FAM167A: variants seen among roughly 807,000 people sequenced by gnomAD.
FAM167A encodes protein FAM167A.
A neutral mutation model predicts 14.9 loss-of-function variants in FAM167A; 23 were observed. The ratio of observed to expected loss-of-function variants is 1.55; its 90% confidence interval spans 1.11 to 2.19. The LOEUF is 2.19. Ranked by LOEUF, FAM167A falls within the 30% of genes most tolerant of loss-of-function variation. The pLI, the probability that FAM167A is intolerant of heterozygous loss-of-function variation, is 0.00. For synonymous variants in FAM167A, 174 were observed against 117.7 expected (o/e 1.48, Z -3.10); for missense variants, 401 against 281.5 (o/e 1.42, Z -3.04).
chr8:11,470,788 C>T (rs73663149), upstream of FAM167A, among the ~76,000 whole-genome samples: 900 of 152,224 alleles, frequency 5.9e-3, 8 homozygotes, highest in African/African-American at 0.02. Context: ...CAGAGTCCAC[C>T]GGTCTCTGCT....
intron 1 of FAM167A, among the ~76,000 whole-genome samples, chr8:11,450,767 G>A (rs1290264386): frequency 6.6e-6 from 1 of 152,222 alleles, no homozygotes; most frequent in Non-Finnish European, 1.5e-5. Flanking sequence ...GAGCCAGCCT[G>A]GATGGGCTCA....
In FAM167A at chr8:11,445,435, A is replaced by T. The variant is rs1331568110; in HGVS notation, c.-397-627T>A. On this transcript the variant is annotated intron_variant, in intron 1 of 2. Coordinates refer to ENST00000284486, the MANE Select transcript of FAM167A (RefSeq NM_053279.3). ...AACACCTTACCTCACCTCTTCAGAG[A>T]CAGAAGCAAATAAACCTGCAGCTGT... 3.0e-6 allele frequency: 3 copies of T among 985,692 alleles called. No homozygotes were observed. In the African/African-American group the frequency reaches 5.2e-5, roughly 17 times the overall value. The allele number at this position is 985,692 out of a possible 1,614,324, so 61.1% of individuals were successfully genotyped here.
In FAM167A at chr8:11,422,355, CGTGTGTGTGTGTGTGGGGGTGTGT is replaced by C. The variant is rs1171768328; in HGVS notation, c.*1994_*2017del. ...AGGATGTTTATGGCATGTTCTCTGT[CGTGTGTGTGTGTGTGGGGGTGTGT>C]GTGTGTGTGTGTGTGTGTGTGTGTG... is the stretch of plus-strand genomic sequence containing the variant. On this transcript the variant is annotated 3_prime_UTR_variant, in exon 3 of 3. Transcript: ENST00000284486. The C allele has an allele frequency of 1.6e-4, 22 of 134,058 alleles. No individual in the cohort carries two copies. Among genetic ancestry groups the C allele is most frequent in the African/African-American group, 6.0e-4 (20 of 33,202 alleles). 8.3% of individuals were successfully genotyped at this position (134,058 alleles called of 1,614,324 possible).
chr8:11,444,678 C>G lies in FAM167A; in HGVS notation c.-267G>C, dbSNP rs1806674964. ...TGCCATGCTCCACAGAAGGCAGGAA[C>G]AGACAGCGTCGCAGGAATCTCGGGG... On this transcript the variant is annotated 5_prime_UTR_variant, in exon 2 of 3. Transcript: ENST00000284486. The G allele has an allele frequency of 8.0e-7, 1 of 1,243,038 alleles. No homozygotes were observed. Among genetic ancestry groups the G allele is most frequent in the African/African-American group, 1.6e-5 (1 of 64,378 alleles). The allele number at this position is 1,243,038 out of a possible 1,614,324, so 77.0% of individuals were successfully genotyped here.
intron 2 of FAM167A, among the ~76,000 whole-genome samples, chr8:11,440,764 T>C (rs1806388524): frequency 1.3e-5 from 2 of 152,248 alleles, no homozygotes; most frequent in African/African-American, 2.4e-5. Context: ...CTAACAAATC[T>C]GTAGGAAGGG....
rs1245341921 is a variant in FAM167A at position 11,423,732 on chromosome 8, C to A, written c.*641G>T. Reference sequence around the variant, plus strand: ...CTAGTGCCCCCATCACATGTCCCAGCACACGCCAGAATTTACAATTTACAC... The same window carrying A: ...CTAGTGCCCCCATCACATGTCCCAGAACACGCCAGAATTTACAATTTACAC... On this transcript the variant is annotated 3_prime_UTR_variant, in exon 3 of 3. Coordinates refer to ENST00000284486, the MANE Select transcript of FAM167A (RefSeq NM_053279.3). 1 of 153,374 alleles carries A rather than the reference C, an allele frequency of 6.5e-6. No homozygotes were observed. The highest frequency in any genetic ancestry group is 1.5e-5 in the Non-Finnish European group (1 of 68,936). The allele number at this position is 153,374 out of a possible 1,614,324, so 9.5% of individuals were successfully genotyped here. A position where few individuals can be genotyped will look rare whatever the true frequency, so the allele number is the denominator to read the frequency against.
intron 2 of FAM167A, among the ~76,000 whole-genome samples, chr8:11,433,038 G>C (rs1805722688): frequency 6.6e-6 from 1 of 152,016 alleles, no homozygotes; most frequent in African/African-American, 2.4e-5. Context: ...CACAGGGAGG[G>C]GAACATCACA....
At chr8:11,437,232 C>T (rs1806082260) in intron 2 of FAM167A, among the ~76,000 whole-genome samples, 1 of 152,104 alleles carries the variant, frequency 6.6e-6, no homozygotes, top group Non-Finnish European at 1.5e-5. Context: ...TGATCTTGGG[C>T]AAGTTTTTTA....
intron 1 of FAM167A, chr8:11,445,529 A>C (rs1242653744): frequency 1.3e-5 from 13 of 985,432 alleles, no homozygotes; most frequent in Non-Finnish European, 1.6e-5. Context: ...TTGTTCTAGA[A>C]CGAGGCTTCT....
chr8:11,428,492 C>A (rs527508157), intron 2 of FAM167A, among the ~76,000 whole-genome samples: 2 of 152,346 alleles, frequency 1.3e-5, no homozygotes, highest in East Asian at 3.9e-4. Context: ...GCAGCTTCAA[C>A]AGGGATGGTG....
chr8:11,456,394 T>TGTGAGG (rs1807306590), intron 1 of FAM167A, among the ~76,000 whole-genome samples: 3 of 27,040 alleles, frequency 1.1e-4, no homozygotes, highest in African/African-American at 2.6e-4. Context: ...CTGGTGTGTG[T>TGTGAGG]GTGAGTGTGG....
chr8:11,473,532 A>C (rs1159982262), intron 1 of FAM167A, among the ~76,000 whole-genome samples: 1 of 152,170 alleles, frequency 6.6e-6, no homozygotes, highest in Non-Finnish European at 1.5e-5. Context: ...TCTCTCCTAA[A>C]ATCAACTCTA....
chr8:11,473,848 TGTTTC>T (rs900271161), intron 1 of FAM167A, among the ~76,000 whole-genome samples: 7 of 152,226 alleles, frequency 4.6e-5, no homozygotes, highest in African/African-American at 1.7e-4. Flanking sequence ...TTTTTTTGTT[TGTTTC>T]TTTTTCTTTT....
rs889354982 is a variant in FAM167A, at chr8:11,423,442, C to T, written c.*931G>A. 1 of 152,610 alleles carries T rather than the reference C, an allele frequency of 6.6e-6. No homozygotes were observed. The highest frequency in any genetic ancestry group is 1.5e-5 in the Non-Finnish European group (1 of 68,050). The allele number at this position is 152,610 out of a possible 1,614,324, so 9.5% of individuals were successfully genotyped here. A position where few individuals can be genotyped will look rare whatever the true frequency, so the allele number is the denominator to read the frequency against. On this transcript the variant is annotated 3_prime_UTR_variant, in exon 3 of 3. Transcript: ENST00000284486. ...GTCAGGCACAAAATCTCAGAGGAGGCTCAGGATGGGCCTCTGGGCTCCCTA... is the reference window on the plus strand; with the variant it reads ...GTCAGGCACAAAATCTCAGAGGAGGTTCAGGATGGGCCTCTGGGCTCCCTA...
intron 2 of FAM167A, among the ~76,000 whole-genome samples, chr8:11,436,581 C>A (rs1292581006): frequency 6.6e-6 from 1 of 152,224 alleles, no homozygotes; most frequent in African/African-American, 2.4e-5. Flanking sequence ...CCCTGCACGG[C>A]CTTCTCAATT....
intron 2 of FAM167A, among the ~76,000 whole-genome samples, chr8:11,429,946 G>C (rs983815088): frequency 6.6e-6 from 1 of 152,232 alleles, no homozygotes; most frequent in African/African-American, 2.4e-5. Flanking sequence ...CCAAATCAAA[G>C]TAAGAGGTGC....
chr8:11,456,388 T>TATGTGA (rs1563387425), intron 1 of FAM167A, among the ~76,000 whole-genome samples: 15 of 35,768 alleles, frequency 4.2e-4, no homozygotes, highest in Non-Finnish European at 8.0e-4. Context: ...CCCTGCCTGG[T>TATGTGA]GTGTGTGTGA....
At chr8:11,468,389 A>T (rs1807853091), upstream of FAM167A, among the ~76,000 whole-genome samples, 1 of 152,206 alleles carries the variant, frequency 6.6e-6, no homozygotes, top group Non-Finnish European at 1.5e-5. Flanking sequence ...CTGCCTCCTA[A>T]GGGAACCCCA....
chr8:11,464,038 A>G (rs1807649937), intron 1 of FAM167A, among the ~76,000 whole-genome samples: 1 of 152,172 alleles, frequency 6.6e-6, no homozygotes, highest in Non-Finnish European at 1.5e-5. Flanking sequence ...CTGTGCCCAC[A>G]GGGAGACTGG....
Sources: allele counts gnomAD v4.1 joint callset (sites outside exome capture counted in the v4.1 genomes callset), GRCh38; gene constraint gnomAD v4.1.1; transcripts MANE v1.5; gene names NCBI Gene and HGNC (gene_info 2026-07-23, HGNC 2026-07-21).